CELSR1: variants seen among roughly 807,000 people sequenced by gnomAD.
CELSR1 encodes the protein adhesion G protein-coupled receptor C1.
In CELSR1, 110 loss-of-function variants were observed where a neutral mutation model predicts 249.1. The ratio of observed to expected loss-of-function variants is 0.44; its 90% CI spans 0.38 to 0.52. The LOEUF (loss-of-function observed/expected upper bound fraction) is 0.52, where lower values mean the gene tolerates loss of function less well. CELSR1 is among the 20% of genes least tolerant of loss of function. The probability of loss-of-function intolerance (pLI) is 0.00; values close to 1 mark genes in which losing one functional copy is unlikely to be tolerated. For synonymous variants in CELSR1, 2,113 were observed against 1,900.0 expected, an observed-to-expected ratio of 1.11 and a Z score of -2.92; for missense variants, 4,109 against 4,296.4, an observed-to-expected ratio of 0.96 and a Z score of 1.22.
chr22:46,398,596 T>G lies in CELSR1; in HGVS notation c.5454A>C (p.Val1818=). Residue 1818 remains valine (V), a synonymous_variant, in exon 11 of 35, where the codon GTA becomes GTC. Coordinates refer to ENST00000674500, the MANE Select transcript of CELSR1 (RefSeq NM_001378328.1). This position sits in a 1 kb window ranked among gnomAD's most constrained non-coding sequence, Gnocchi z 7.2. ...AGGCGCCTCCGACCACCACGCTCCT[T>G]ACCGTCAGCCCGGGAAGCATGCCCC... The part of the protein sequence containing the change: ...DIGGMLPGLT[V]RSVVVGGASE... The G allele has an allele frequency of 6.2e-7, 1 of 1,613,830 alleles. No individual in the cohort carries two copies. The highest frequency in any genetic ancestry group is 8.5e-7 in the Non-Finnish European group (1 of 1,179,894).
chr22:46,452,359 C>T (rs762669654), intron 2 of CELSR1, among the ~76,000 whole-genome samples: 8 of 152,232 alleles, frequency 5.3e-5, no homozygotes, highest in African/African-American at 1.9e-4. Context: ...CATGAGGACC[C>T]AGTGTGCCAA....
In CELSR1 at chr22:46,412,870, A is replaced by C. The variant is rs1410365934; in HGVS notation, c.4612-1111T>G. Among the ~76,000 whole-genome samples, 1 of 152,212 alleles carries C rather than the reference A, an allele frequency of 6.6e-6. No individual in the cohort carries two copies. Among genetic ancestry groups the C allele is most frequent in the Non-Finnish European group, 1.5e-5 (1 of 68,044 alleles). On this transcript the variant is annotated intron_variant, in intron 5 of 34. Transcript: ENST00000674500. The surrounding 1 kb of genome is among the most constrained non-coding windows in gnomAD (Gnocchi z 4.5). ...GCACAACCTGGATAACAAGACCTAC[A>C]TCCCACAGGTGGCCGTGACGATGAG...
At chr22:46,389,033 A>G (rs113517590) in intron 18 of CELSR1, among the ~76,000 whole-genome samples, 2,905 of 152,320 alleles carry the variant, frequency 0.019, 92 homozygotes, top group African/African-American at 0.066. Flanking sequence ...AGCCACTTAG[A>G]TCACACTACA....
chr22:46,503,580 G>A (rs556207835), intron 1 of CELSR1, among the ~76,000 whole-genome samples: 121 of 152,364 alleles, frequency 7.9e-4, no homozygotes, highest in Non-Finnish European at 1.1e-3. Flanking sequence ...GGCACTTCTT[G>A]ATCCGCCCGT....
chr22:46,496,200 C>CAA (rs3081584), intron 1 of CELSR1, among the ~76,000 whole-genome samples: 2 of 144,330 alleles, frequency 1.4e-5, no homozygotes, highest in Non-Finnish European at 3.0e-5. Context: ...GACTTTGTCT[C>CAA]AAAAAAAAAA....
chr22:46,458,894 T>C (rs1381633516), intron 2 of CELSR1, among the ~76,000 whole-genome samples: 1 of 151,994 alleles, frequency 6.6e-6, no homozygotes, highest in Non-Finnish European at 1.5e-5. Flanking sequence ...GGTTTTTTTT[T>C]GTTTGTGTTT....
In CELSR1 at chr22:46,428,553, A is replaced by G. The variant is rs529412546; in HGVS notation, c.4611+4840T>C. ...TCCAGGGCATGACCTCAGGGGCCTGACAATGATGAAGACCTCTTGGTTGTC... is the reference window on the plus strand; with the variant it reads ...TCCAGGGCATGACCTCAGGGGCCTGGCAATGATGAAGACCTCTTGGTTGTC... On this transcript the variant is annotated intron_variant, in intron 5 of 34. Coordinates refer to ENST00000674500, the MANE Select transcript of CELSR1 (RefSeq NM_001378328.1). This position sits in a 1 kb window ranked among gnomAD's most constrained non-coding sequence, Gnocchi z 5.7. Among the ~76,000 whole-genome samples the G allele has an allele frequency of 6.6e-6, 1 of 152,350 alleles. No homozygotes were observed. Among genetic ancestry groups the G allele is most frequent in the East Asian group, 1.9e-4 (1 of 5,176 alleles).
intron 1 of CELSR1, among the ~76,000 whole-genome samples, chr22:46,513,748 T>C (rs767410150): frequency 1.3e-5 from 2 of 152,156 alleles, no homozygotes; most frequent in Non-Finnish European, 2.9e-5. Context: ...GGTTGGAATA[T>C]GGCCCAGAAG....
Position 46,517,257 on chromosome 22 carries a change from A to T in CELSR1, c.3544+16370T>A, listed in dbSNP as rs1045020196. On this transcript the variant is annotated intron_variant, in intron 1 of 34. Coordinates refer to ENST00000674500, the MANE Select transcript of CELSR1 (RefSeq NM_001378328.1). This position sits in a 1 kb window ranked among gnomAD's most constrained non-coding sequence, Gnocchi z 5.4. Reference sequence around the variant, plus strand: ...CTGCTCCACCTTTGCTCTGGCAAAAAATGCTGGGCCGATGACCCGCAGGAA... The same window carrying T: ...CTGCTCCACCTTTGCTCTGGCAAAATATGCTGGGCCGATGACCCGCAGGAA... Among the ~76,000 whole-genome samples, 1 of 152,206 alleles carries T rather than the reference A, an allele frequency of 6.6e-6. No individual in the cohort carries two copies. The highest frequency in any genetic ancestry group is 1.9e-4 in the East Asian group (1 of 5,190).
Position 46,427,797 on chromosome 22 carries a change from A to T in CELSR1, c.4611+5596T>A, listed in dbSNP as rs927997606. On this transcript the variant is annotated intron_variant, in intron 5 of 34. Transcript: ENST00000674500. This position sits in a 1 kb window ranked among gnomAD's most constrained non-coding sequence, Gnocchi z 4.2. Reference sequence around the variant, plus strand: ...GGGAAAGGGAAGGCTACGTGGCCTCACCCAGGGGACCACACAACTGTCTAA... The same window carrying T: ...GGGAAAGGGAAGGCTACGTGGCCTCTCCCAGGGGACCACACAACTGTCTAA... Among the ~76,000 whole-genome samples, 9 of 152,154 alleles carry T rather than the reference A, an allele frequency of 5.9e-5. No homozygotes were observed. The highest frequency in any genetic ancestry group is 2.2e-4 in the African/African-American group (9 of 41,434).
chr22:46,394,751 C>A (rs1019744954), intron 13 of CELSR1, among the ~76,000 whole-genome samples: 1 of 152,236 alleles, frequency 6.6e-6, no homozygotes, highest in African/African-American at 2.4e-5. Context: ...GGCAGCCATG[C>A]CCTGGTGTAG....
Position 46,391,296 on chromosome 22 carries a change from G to T in CELSR1, c.6149-9C>A, listed in dbSNP as rs539128880. ...ACAGCCATTGTAGATCACTGGGGTA[G>T]AGAAGAGAGAAGTCTGCTCAGCGGG... is the stretch of plus-strand genomic sequence containing the variant. On this transcript the variant is annotated splice_polypyrimidine_tract_variant and intron_variant, in intron 15 of 34. Coordinates refer to ENST00000674500, the MANE Select transcript of CELSR1 (RefSeq NM_001378328.1). This position sits in a 1 kb window ranked among gnomAD's most constrained non-coding sequence, Gnocchi z 4.3. 6.2e-7 allele frequency: 1 copy of T among 1,611,624 alleles called. No homozygotes were observed. Among genetic ancestry groups the T allele is most frequent in the East Asian group, 2.2e-5 (1 of 44,834 alleles).
At chr22:46,475,446 T>C (rs2080198451) in intron 1 of CELSR1, among the ~76,000 whole-genome samples, 1 of 150,858 alleles carries the variant, frequency 6.6e-6, no homozygotes, top group Admixed American at 6.6e-5. Context: ...GAAAGTAGGA[T>C]GGTGAGTGCC....
chr22:46,476,031 G>A (rs2080204931), intron 1 of CELSR1, among the ~76,000 whole-genome samples: 1 of 152,136 alleles, frequency 6.6e-6, no homozygotes, highest in South Asian at 2.1e-4. Context: ...GAGACGTTGA[G>A]CAAGTGCATT....
chr22:46,391,074 G>C lies in CELSR1; in HGVS notation c.6250+112C>G, dbSNP rs959372862. The stretch of plus-strand genomic sequence containing the variant: ...CGATCGGATTTCTCCCCAGCACTTT[G>C]CCTGCGGATATTTTTTCAACACGAA... On this transcript the variant is annotated intron_variant, in intron 16 of 34. Transcript: ENST00000674500. The surrounding 1 kb of genome is among the most constrained non-coding windows in gnomAD (Gnocchi z 4.3). The C allele has an allele frequency of 2.4e-6, 2 of 830,268 alleles. No homozygotes were observed. The highest frequency in any genetic ancestry group is 3.8e-6 in the Non-Finnish European group (2 of 528,226). 51.4% of individuals were successfully genotyped at this position (830,268 alleles called of 1,614,324 possible). A position where few individuals can be genotyped will look rare whatever the true frequency, so the allele number is the denominator to read the frequency against.
Position 46,436,383 on chromosome 22 carries a change from C to T in CELSR1, c.4407-94G>A, listed in dbSNP as rs761703864. ...AAGTCCAGCCGGAGGAGGGCAAGCA[C>T]GTGGGGCTACGATTCAGGAAAGAAT... is the stretch of plus-strand genomic sequence containing the variant. On this transcript the variant is annotated intron_variant, in intron 3 of 34. Transcript: ENST00000674500. This position sits in a 1 kb window ranked among gnomAD's most constrained non-coding sequence, Gnocchi z 5.9. The T allele has an allele frequency of 2.8e-5, 22 of 781,848 alleles. No homozygotes were observed. The highest frequency in any genetic ancestry group is 2.3e-4 in the Middle Eastern group (1 of 4,262). The allele number at this position is 781,848 out of a possible 1,614,324, so 48.4% of individuals were successfully genotyped here.
intron 1 of CELSR1, among the ~76,000 whole-genome samples, chr22:46,487,883 C>T (rs2080330504): frequency 7.7e-6 from 1 of 129,832 alleles, no homozygotes; most frequent in African/African-American, 3.0e-5. Flanking sequence ...GGAGGGGTGT[C>T]CAGCTGATGG....
Position 46,399,792 on chromosome 22 carries a change from G to T in CELSR1, c.5337C>A (p.Ile1779=), listed in dbSNP as rs750903620. 1 of 1,614,100 alleles carries T rather than the reference G, an allele frequency of 6.2e-7. No individual in the cohort carries two copies. The highest frequency in any genetic ancestry group is 1.1e-5 in the South Asian group (1 of 91,080). ...TGTCCTCCTTAACATTCTTCAGCTC[G>T]ATCAGCAGGTGGTGCCACTCCCCGT... ...VTDGEWHHLL[I]ELKNVKEDSE... The change falls in exon 10 of 35, where the codon ATC becomes ATA. Residue 1779 remains isoleucine (I), a synonymous_variant. Coordinates refer to ENST00000674500, the MANE Select transcript of CELSR1 (RefSeq NM_001378328.1). The surrounding 1 kb of genome is among the most constrained non-coding windows in gnomAD (Gnocchi z 5.0).
chr22:46,369,282 A>G lies in CELSR1; in HGVS notation c.7873-24T>C, dbSNP rs558576231. ...ATCTGAAAACAAAACAAGCCGATCA[A>G]TGTCTTCTCTCTCGTCACTGCAGAC... On this transcript the variant is annotated intron_variant, in intron 26 of 34. Transcript: ENST00000674500. 5.9e-4 allele frequency: 228 copies of G among 388,962 alleles called. 2 individuals are homozygous for G. The Middle Eastern group carries it at 8.6e-3, about 15-fold the overall frequency. The allele number at this position is 388,962 out of a possible 1,614,324, so 24.1% of individuals were successfully genotyped here.
Sources: allele counts gnomAD v4.1 joint callset (sites outside exome capture counted in the v4.1 genomes callset), GRCh38; gene constraint gnomAD v4.1.1; non-coding constraint Gnocchi (gnomAD v3.1); transcripts MANE v1.5; gene names NCBI Gene and HGNC (gene_info 2026-07-23, HGNC 2026-07-21).